CALN1: variants seen among roughly 807,000 people sequenced by gnomAD.
CALN1 encodes the protein calcium-binding protein 8.
CALN1 carries 17 observed loss-of-function variants against 30.6 expected under a neutral mutation model. That is an observed-to-expected ratio of 0.56 (90% CI 0.38 to 0.83). The LOEUF is 0.83. Ranked by LOEUF, CALN1 falls within the 40% of genes least tolerant of loss-of-function variation. The pLI, the probability that CALN1 is intolerant of heterozygous loss-of-function variation, is 0.00. For missense variants in CALN1, 291 were observed against 354.9 expected (o/e 0.82, Z 1.45); for synonymous variants, 156 against 131.4 (o/e 1.19, Z -1.28).
chr7:71,814,898 A>G lies in CALN1; in HGVS notation c.502-4406T>C, dbSNP rs1038035932. On this transcript the variant is annotated intron_variant, in intron 5 of 6. Transcript: ENST00000395275. ...CCCCACCCTGGAGTGCAGTGACGCA[A>G]TCTTGGCTCACTGTAATCTCCGCCT... is the stretch of plus-strand genomic sequence containing the variant. 3.3e-5 allele frequency among the ~76,000 whole-genome samples: 5 copies of G among 151,594 alleles called. No individual in the cohort carries two copies. In the East Asian group the frequency reaches 9.7e-4, roughly 29 times the overall value.
At chr7:72,359,958 C>A (rs981484501) in intron 2 of CALN1, among the ~76,000 whole-genome samples, 1 of 102,612 alleles carries the variant, frequency 9.7e-6, no homozygotes, top group Non-Finnish European at 1.8e-5. Context: ...GCTTGGGTGA[C>A]AGAGTGAGAC....
intron 5 of CALN1, among the ~76,000 whole-genome samples, chr7:71,892,475 TA>T (rs1415057159): frequency 6.6e-6 from 1 of 152,138 alleles, no homozygotes; most frequent in African/African-American, 2.4e-5. Flanking sequence ...CCGTCTCTAC[TA>T]AAAATGCAAA....
chr7:72,186,046 G>GGAGGGTGA (rs1444983375), intron 3 of CALN1, among the ~76,000 whole-genome samples: 5 of 152,106 alleles, frequency 3.3e-5, no homozygotes, highest in African/African-American at 1.2e-4. Flanking sequence ...GAGGAAGGCC[G>GGAGGGTGA]GAGGGTGAGA....
At chr7:72,144,120 TAAC>T (rs1810168610) in intron 3 of CALN1, among the ~76,000 whole-genome samples, 5 of 152,082 alleles carry the variant, frequency 3.3e-5, no homozygotes, top group Admixed American at 2.0e-4. Context: ...GATTCACACA[TAAC>T]AATATTAACT....
chr7:71,970,234 T>C (rs76525311), intron 5 of CALN1, among the ~76,000 whole-genome samples: 2,403 of 152,294 alleles, frequency 0.016, 34 homozygotes, highest in Middle Eastern at 0.051. Flanking sequence ...GTTATCACTA[T>C]ATATACAGGT....
intron 5 of CALN1, among the ~76,000 whole-genome samples, chr7:71,990,746 C>A (rs1234934520): frequency 6.6e-6 from 1 of 152,174 alleles, no homozygotes; most frequent in East Asian, 1.9e-4. Context: ...AGCCACCACG[C>A]CCAGCCTATT....
rs149490972 is a variant in CALN1 at position 72,383,434 on chromosome 7, A to C, written c.119+19817T>G. 1.2e-3 allele frequency among the ~76,000 whole-genome samples: 178 copies of C among 151,796 alleles called. 1 individual carries two copies. Among genetic ancestry groups the C allele is most frequent in the African/African-American group, 4.1e-3 (169 of 41,360 alleles). ...AGCCTCATCAGCATGTTATTTTTTGACTTTTTAACTAGTGTGAGGAGGTAT... is the reference window on the plus strand; with the variant it reads ...AGCCTCATCAGCATGTTATTTTTTGCCTTTTTAACTAGTGTGAGGAGGTAT... On this transcript the variant is annotated intron_variant, in intron 2 of 6. Coordinates refer to ENST00000395275, the MANE Select transcript of CALN1 (RefSeq NM_031468.4).
intron 3 of CALN1, among the ~76,000 whole-genome samples, chr7:72,195,209 T>G (rs567281908): frequency 1.3e-5 from 2 of 152,328 alleles, no homozygotes; most frequent in African/African-American, 4.8e-5. Flanking sequence ...ACACTCATCT[T>G]TTGAGCCCTT....
At chr7:72,169,053 G>A (rs1392257834) in intron 3 of CALN1, among the ~76,000 whole-genome samples, 4 of 151,754 alleles carry the variant, frequency 2.6e-5, no homozygotes, top group Admixed American at 1.3e-4. Flanking sequence ...TGATCCACCC[G>A]CCTTGGCCTC....
chr7:72,262,550 T>G (rs1334441960), intron 3 of CALN1, among the ~76,000 whole-genome samples: 1 of 152,158 alleles, frequency 6.6e-6, no homozygotes, highest in East Asian at 1.9e-4. Flanking sequence ...TTTCCATTAT[T>G]ATGTTCCCGT....
intron 5 of CALN1, among the ~76,000 whole-genome samples, chr7:71,956,298 T>C (rs965649328): frequency 6.6e-6 from 1 of 151,548 alleles, no homozygotes; most frequent in Non-Finnish European, 1.5e-5. Flanking sequence ...CGTTCTAGAA[T>C]TTTAATAGCA....
intron 3 of CALN1, among the ~76,000 whole-genome samples, chr7:72,263,595 G>A (rs1456855188): frequency 6.6e-6 from 1 of 151,976 alleles, no homozygotes; most frequent in East Asian, 1.9e-4. Context: ...TGGTTGCCCA[G>A]CCTGTGCCAT....
intron 4 of CALN1, among the ~76,000 whole-genome samples, chr7:72,068,460 C>T (rs147063316): frequency 1.5e-4 from 23 of 151,954 alleles, no homozygotes; most frequent in Non-Finnish European, 2.6e-4. Flanking sequence ...TTGACCTAAA[C>T]CAAGTCATTC....
At chr7:71,877,649 G>C (rs1353915031) in intron 5 of CALN1, among the ~76,000 whole-genome samples, 1 of 116,808 alleles carries the variant, frequency 8.6e-6, no homozygotes, top group Non-Finnish European at 1.7e-5. Context: ...AAAAAAAAAC[G>C]ATGGAGAAAT....
intron 2 of CALN1, among the ~76,000 whole-genome samples, chr7:72,324,677 G>A (rs1048673360): frequency 2.8e-4 from 42 of 151,864 alleles, no homozygotes; most frequent in African/African-American, 9.0e-4. Context: ...CGCCTCCCGG[G>A]TTCAAGTGAT....
At chr7:71,805,340 G>T (rs1787544511) in intron 6 of CALN1, among the ~76,000 whole-genome samples, 1 of 152,204 alleles carries the variant, frequency 6.6e-6, no homozygotes. Context: ...GAAGACCTGA[G>T]TGGGGGCTCT....
At chr7:72,307,418 G>A (rs996967623) in intron 2 of CALN1, among the ~76,000 whole-genome samples, 6 of 152,100 alleles carry the variant, frequency 3.9e-5, no homozygotes, top group African/African-American at 1.4e-4. Flanking sequence ...CACACCCTAC[G>A]AAGGCTGAAG....
intron 1 of CALN1, among the ~76,000 whole-genome samples, chr7:72,419,740 A>C (rs189122487): frequency 2.6e-4 from 40 of 152,290 alleles, no homozygotes; most frequent in African/African-American, 9.1e-4. Flanking sequence ...GCTGACCGGC[A>C]AGGATACAAG....
intron 3 of CALN1, among the ~76,000 whole-genome samples, chr7:72,109,891 G>T (rs1289752347): frequency 6.6e-6 from 1 of 152,190 alleles, no homozygotes; most frequent in Non-Finnish European, 1.5e-5. Flanking sequence ...AATGGGTTAG[G>T]TGTGATGTCC....
Sources: allele counts gnomAD v4.1 joint callset (sites outside exome capture counted in the v4.1 genomes callset), GRCh38; gene constraint gnomAD v4.1.1; transcripts MANE v1.5; gene names NCBI Gene and HGNC (gene_info 2026-07-23, HGNC 2026-07-21).